The following FXYD7 variants were observed in gnomAD, a reference collection of about 807,000 sequenced individuals.
FXYD7 encodes FXYD domain-containing ion transport regulator 7.
Under a neutral mutation model 15.3 loss-of-function variants are expected in FXYD7, and 7 were observed. The ratio of observed to expected loss-of-function variants is 0.46; its 90% CI spans 0.26 to 0.86. The LOEUF is 0.86. Ranked by LOEUF, FXYD7 falls within the 40% of genes least tolerant of loss-of-function variation. The pLI, the probability that FXYD7 is intolerant of heterozygous loss-of-function variation, is 0.16. For synonymous variants in FXYD7, 39 were observed against 39.3 expected, an observed-to-expected ratio of 0.99 and a Z score of 0.03; for missense variants, 78 against 100.6, an observed-to-expected ratio of 0.78 and a Z score of 0.96.
At chr19:35,148,569 G>C in intron 1 of FXYD7, 125 bp from the exon 2 acceptor site, 2 of 770,328 alleles carry the variant, frequency 2.6e-6, no homozygotes, top group Admixed American at 6.0e-5. Context: ...AAACCAAGGG[G>C]TCTCTATCTG....
In FXYD7 at chr19:35,151,423, T is replaced by A. The variant is rs1282177229; in HGVS notation, c.137-17T>A. 6.2e-7 allele frequency: 1 copy of A among 1,613,084 alleles called. No homozygotes were observed. Among genetic ancestry groups the A allele is most frequent in the East Asian group, 2.2e-5 (1 of 44,878 alleles). ...CGCTATGTCCTGTCTTCTTGTTCTG[T>A]CTCTCTCTCCCAACAGGCAAGAAGG... On this transcript the variant is annotated splice_polypyrimidine_tract_variant and intron_variant, in intron 3 of 5. Coordinates refer to ENST00000270310, the MANE Select transcript of FXYD7 (RefSeq NM_022006.2).
intron 1 of FXYD7, among the ~76,000 whole-genome samples, chr19:35,146,572 C>T (rs1359084419): frequency 6.6e-6 from 1 of 152,200 alleles, no homozygotes; most frequent in Non-Finnish European, 1.5e-5. Context: ...GAAAGAGTTG[C>T]TATGAAGATT....
At chr19:35,153,298 G>A (rs2065322846) in intron 5 of FXYD7, among the ~76,000 whole-genome samples, 1 of 152,056 alleles carries the variant, frequency 6.6e-6, no homozygotes, top group African/African-American at 2.4e-5. Flanking sequence ...GACCTCAAAC[G>A]ATCCGCCATC....
intron 2 of FXYD7, among the ~76,000 whole-genome samples, chr19:35,150,811 G>A (rs541554995): frequency 1.7e-4 from 26 of 152,258 alleles, no homozygotes; most frequent in Non-Finnish European, 2.5e-4. Context: ...GGCAATGGGC[G>A]GGAGGAGGGC....
rs1411102262 is a variant in FXYD7, at chr19:35,148,733, G to A, written c.61+10G>A. ...GACCCATTTTACTATGGTGAGTGTTGGATTTGGGGATAGGGCTGGACTGGG... is the reference window on the plus strand; with the variant it reads ...GACCCATTTTACTATGGTGAGTGTTAGATTTGGGGATAGGGCTGGACTGGG... On this transcript the variant is annotated intron_variant, in intron 2 of 5. Transcript: ENST00000270310. The A allele has an allele frequency of 6.2e-7, 1 of 1,608,026 alleles. No homozygotes were observed. The highest frequency in any genetic ancestry group is 1.3e-5 in the African/African-American group (1 of 74,882).
At chr19:35,148,087 GAAAGAA>G (rs1167307019) in intron 1 of FXYD7, among the ~76,000 whole-genome samples, 70 of 124,096 alleles carry the variant, frequency 5.6e-4, no homozygotes, top group African/African-American at 1.2e-3. Context: ...AAGAAAGAAA[GAAAGAA>G]AGAGAGAGAG....
At chr19:35,153,049 T>G (rs1205189561) in intron 5 of FXYD7, among the ~76,000 whole-genome samples, 1 of 124,198 alleles carries the variant, frequency 8.1e-6, no homozygotes, top group African/African-American at 3.1e-5. Context: ...TTTTTTTTTT[T>G]TTTTTTTTTT....
chr19:35,146,398 A>C (rs997289072), intron 1 of FXYD7, among the ~76,000 whole-genome samples: 1 of 152,188 alleles, frequency 6.6e-6, no homozygotes, highest in Non-Finnish European at 1.5e-5. Flanking sequence ...TGTATTCCCA[A>C]AGTGCTGGGA....
intron 2 of FXYD7, among the ~76,000 whole-genome samples, chr19:35,150,757 G>C (rs2065306758): frequency 6.6e-6 from 1 of 152,164 alleles, no homozygotes; most frequent in Admixed American, 6.5e-5. Context: ...TGGATCATAT[G>C]GGACTTTGAG....
chr19:35,153,033 CTTTTTTTTTTTT>C (rs954084904), intron 5 of FXYD7, among the ~76,000 whole-genome samples: 10 of 44,140 alleles, frequency 2.3e-4, no homozygotes, highest in African/African-American at 4.2e-4. Flanking sequence ...TTTCACGTTC[CTTTTTTTTTTTT>C]TTTTTTTTTT....
intron 1 of FXYD7, among the ~76,000 whole-genome samples, chr19:35,144,962 C>T (rs926596008): frequency 9.2e-5 from 14 of 152,208 alleles, no homozygotes; most frequent in Non-Finnish European, 1.8e-4. Flanking sequence ...GGGAGAGTCT[C>T]CCTCCACCCT....
At chr19:35,153,033 C>CTTTGTTTTGTTTTTTTTTTTTTTTTTT (rs1555737607) in intron 5 of FXYD7, among the ~76,000 whole-genome samples, 4 of 44,138 alleles carry the variant, frequency 9.1e-5, no homozygotes, top group Non-Finnish European at 1.6e-4. Flanking sequence ...TTTCACGTTC[C>CTTTGTTTTGTTTTTTTTTTTTTTTTTT]TTTTTTTTTT....
rs1398999291 is a variant in FXYD7, at chr19:35,143,986, A to G, written c.31+622A>G. 1.3e-5 allele frequency among the ~76,000 whole-genome samples: 2 copies of G among 152,140 alleles called. No homozygotes were observed. Among genetic ancestry groups the G allele is most frequent in the African/African-American group, 4.8e-5 (2 of 41,424 alleles). On this transcript the variant is annotated intron_variant, in intron 1 of 5. Transcript: ENST00000270310. The surrounding 1 kb of genome is among the most constrained non-coding windows in gnomAD (Gnocchi z 4.3). ...GATACAAAGACCCAGGAAGACAAAT[A>G]GATGGACTCAGAGAGATTCCCAGTG...
At position 35,144,059 on chromosome 19, in the gene FXYD7, A is replaced by G. The variant is rs542517126; in HGVS notation, c.31+695A>G. On this transcript the variant is annotated intron_variant, in intron 1 of 5. Transcript: ENST00000270310. Reference sequence around the variant, plus strand: ...AGACAGAGATGCAGAGAGAGAGAGAAAAAAAAATGAGAGCCTGGGAGATAG... The same window carrying G: ...AGACAGAGATGCAGAGAGAGAGAGAGAAAAAAATGAGAGCCTGGGAGATAG... Among the ~76,000 whole-genome samples, 21 of 151,664 alleles carry G rather than the reference A, an allele frequency of 1.4e-4. No individual in the cohort carries two copies. The East Asian group carries it at 1.4e-3, about 10-fold the overall frequency.
At chr19:35,150,488 A>T (rs1399828148) in intron 2 of FXYD7, among the ~76,000 whole-genome samples, 1 of 152,236 alleles carries the variant, frequency 6.6e-6, no homozygotes, top group Admixed American at 6.5e-5. Context: ...GAGATTGGAA[A>T]GTGTGGAGGA....
At chr19:35,149,212 C>T (rs2065301232) in intron 2 of FXYD7, 2 of 360,832 alleles carry the variant, frequency 5.5e-6, no homozygotes, top group African/African-American at 4.2e-5. Context: ...AATAAGCTAC[C>T]CCAGGCCTGG....
At chr19:35,151,386 C>T (rs756569494) in intron 3 of FXYD7, 54 bp from the exon 4 acceptor site, 2 of 1,603,798 alleles carry the variant, frequency 1.2e-6, no homozygotes, top group Non-Finnish European at 1.7e-6. Flanking sequence ...TGGCTTTCAT[C>T]CATATCCTAC....
chr19:35,151,113 C>A (rs1389380153), intron 2 of FXYD7, 141 bp from the exon 3 acceptor site: 10 of 719,116 alleles, frequency 1.4e-5, no homozygotes, highest in Non-Finnish European at 2.3e-5. Flanking sequence ...TCACATCAAC[C>A]CCCTGAAGGA....
At chr19:35,148,547 G>A (rs754007664) in intron 1 of FXYD7, 147 bp from the exon 2 acceptor site, 3 of 650,970 alleles carry the variant, frequency 4.6e-6, no homozygotes, top group Non-Finnish European at 7.6e-6. Flanking sequence ...CTGCCATGAG[G>A]CCACATCATC....
Sources: allele counts gnomAD v4.1 joint callset (sites outside exome capture counted in the v4.1 genomes callset), GRCh38; gene constraint gnomAD v4.1.1; non-coding constraint Gnocchi (gnomAD v3.1); transcripts MANE v1.5; gene names NCBI Gene and HGNC (gene_info 2026-07-23, HGNC 2026-07-21).